Variants in APPL2 observed in about 807,000 individuals in gnomAD.
APPL2 encodes the protein adaptor protein, phosphotyrosine interacting with PH domain and leucine zipper 2.
APPL2 carries 84 observed loss-of-function variants against 92.7 expected under a neutral mutation model. The ratio of observed to expected loss-of-function variants is 0.91; its 90% CI spans 0.76 to 1.09. APPL2 has a LOEUF of 1.09. APPL2 is among the 50% of genes least tolerant of loss of function. The pLI is 0.00. For synonymous variants in APPL2, 291 were observed against 291.0 expected (o/e 1.00, Z 0.00); for missense variants, 736 against 824.5 (o/e 0.89, Z 1.31).
chr12:105,223,117 C>T (rs74553697), intron 2 of APPL2, among the ~76,000 whole-genome samples: 1 of 152,114 alleles, frequency 6.6e-6, no homozygotes, highest in South Asian at 2.1e-4. Context: ...CAGAGAGCCA[C>T]GGAGGCGTCT....
At chr12:105,230,354 G>A (rs145334042) in intron 1 of APPL2, among the ~76,000 whole-genome samples, 3 of 152,220 alleles carry the variant, frequency 2.0e-5, no homozygotes, top group African/African-American at 4.8e-5. Flanking sequence ...GATGGTGTAC[G>A]AACAAGAATT....
intron 17 of APPL2, among the ~76,000 whole-genome samples, chr12:105,178,658 T>C (rs1020267735): frequency 1.3e-5 from 2 of 152,216 alleles, no homozygotes; most frequent in Non-Finnish European, 2.9e-5. Context: ...GCTACTCACC[T>C]GATCTTGTGC....
At chr12:105,181,305 G>A (rs565126533) in intron 17 of APPL2, among the ~76,000 whole-genome samples, 61 of 152,322 alleles carry the variant, frequency 4.0e-4, no homozygotes, top group East Asian at 1.5e-3. Context: ...TCCCAGGGAT[G>A]AAGCCAACTT....
At chr12:105,199,642 G>T in intron 9 of APPL2, 111 bp from the exon 10 acceptor site, 1 of 1,189,440 alleles carries the variant, frequency 8.4e-7, no homozygotes, top group Non-Finnish European at 1.2e-6. Context: ...CCTTACAGAT[G>T]GAGCTGCCAG....
Position 105,208,186 on chromosome 12 carries a change from T to C in APPL2, c.387A>G (p.Leu129=), listed in dbSNP as rs1056181554. The C allele has an allele frequency of 6.2e-7, 1 of 1,614,216 alleles. No homozygotes were observed. Among genetic ancestry groups the C allele is most frequent in the East Asian group, 2.2e-5 (1 of 44,892 alleles). ...REKDLTEVST[L]KDLFGLASNE... ...TGCTAGCGAGTCCAAATAGATCCTT[T>C]AAAGTGCTTACTTCTGAAAAGGAGA... Residue 129 remains leucine, a synonymous_variant, in exon 6 of 21, where the codon TTA becomes TTG. Transcript: ENST00000258530.
At chr12:105,218,880 AT>A (rs1889895240) in intron 2 of APPL2, among the ~76,000 whole-genome samples, 1 of 152,126 alleles carries the variant, frequency 6.6e-6, no homozygotes. Flanking sequence ...GTTTTGTGCC[AT>A]TTTCACCAGC....
In APPL2 at chr12:105,207,227, A is replaced by G. The variant is rs1183988439; in HGVS notation, c.475-20T>C. The stretch of plus-strand genomic sequence containing the variant: ...CTTCACCTGGTTAAAAGGTGAAAGG[A>G]AAACTTCAAGTTGTCTACTGTACGT... On this transcript the variant is annotated intron_variant, in intron 7 of 20. Coordinates refer to ENST00000258530, the MANE Select transcript of APPL2 (RefSeq NM_018171.5). 6.2e-7 allele frequency: 1 copy of G among 1,606,540 alleles called. No homozygotes were observed.
intron 11 of APPL2, among the ~76,000 whole-genome samples, chr12:105,196,363 C>T (rs897700379): frequency 6.7e-6 from 1 of 149,638 alleles, no homozygotes; most frequent in East Asian, 2.0e-4. Context: ...AAGTCTGCTG[C>T]GTATGGAGGC....
chr12:105,185,376 G>A (rs1228843900), intron 17 of APPL2, among the ~76,000 whole-genome samples: 1 of 152,186 alleles, frequency 6.6e-6, no homozygotes, highest in African/African-American at 2.4e-5. Flanking sequence ...GAAACTTAGG[G>A]CCCTGGTGGT....
intron 4 of APPL2, among the ~76,000 whole-genome samples, chr12:105,215,315 C>T (rs1889592554): frequency 6.6e-6 from 1 of 152,160 alleles, no homozygotes. Context: ...AATTGTAGGA[C>T]AGCCAGTTAG....
In APPL2 at chr12:105,220,148, G is replaced by C. The variant is rs1032912121; in HGVS notation, c.154-2423C>G. 9.2e-5 allele frequency among the ~76,000 whole-genome samples: 14 copies of C among 152,312 alleles called. 2 individuals carry two copies. The highest frequency in any genetic ancestry group is 1.3e-4 in the Admixed American group (2 of 15,308). The stretch of plus-strand genomic sequence containing the variant: ...CTGGGATGTGAACCTGGAGCTGTCC[G>C]ATTCTAAAATCCACACTCCTAAATG... On this transcript the variant is annotated intron_variant, in intron 2 of 20. Transcript: ENST00000258530.
intron 4 of APPL2, among the ~76,000 whole-genome samples, chr12:105,214,629 C>G (rs532595394): frequency 4.0e-4 from 61 of 152,360 alleles, no homozygotes; most frequent in African/African-American, 1.3e-3. Flanking sequence ...ATTTCCTCAT[C>G]AATAGAAGTG....
chr12:105,233,569 A>T (rs770153216), intron 1 of APPL2: 1 of 187,128 alleles, frequency 5.3e-6, no homozygotes, highest in African/African-American at 2.4e-5. Flanking sequence ...CAACTCTCAA[A>T]ATTACTCTTC....
intron 4 of APPL2, among the ~76,000 whole-genome samples, chr12:105,214,250 AATC>A (rs1470116796): frequency 2.6e-5 from 4 of 152,234 alleles, no homozygotes; most frequent in African/African-American, 9.6e-5. Context: ...CTACTAAAAC[AATC>A]ATCATTCCTG....
chr12:105,188,521 G>T, intron 16 of APPL2, 74 bp from the exon 17 acceptor site: 23 of 1,526,718 alleles, frequency 1.5e-5, no homozygotes, highest in Non-Finnish European at 2.1e-5. Flanking sequence ...AGGGTCAGAT[G>T]TGCTAGTTTT....
At chr12:105,200,427 T>G (rs774638870) in intron 9 of APPL2, among the ~76,000 whole-genome samples, 1 of 152,244 alleles carries the variant, frequency 6.6e-6, no homozygotes, top group Admixed American at 6.5e-5. Context: ...TGAGGCTTCA[T>G]AGGCTAGCAG....
At chr12:105,228,350 A>G (rs1890678741) in intron 2 of APPL2, among the ~76,000 whole-genome samples, 1 of 152,144 alleles carries the variant, frequency 6.6e-6, no homozygotes, top group Admixed American at 6.5e-5. Flanking sequence ...TCAAAAAGTT[A>G]CAGATTTTGG....
chr12:105,177,469 T>C (rs1392139292), intron 17 of APPL2: 2 of 585,292 alleles, frequency 3.4e-6, no homozygotes, highest in East Asian at 2.8e-5. Flanking sequence ...GTACCTATAA[T>C]GGAAGATTAT....
chr12:105,235,236 CTAA>C (rs1227630328), intron 1 of APPL2: 1 of 152,192 alleles, frequency 6.6e-6, no homozygotes, highest in Non-Finnish European at 1.5e-5. Flanking sequence ...GAATTATGAA[CTAA>C]TGTCATCCTG....
Sources: gnomAD v4.1 joint callset for allele counts (sites outside exome capture counted in the v4.1 genomes callset) on GRCh38, gnomAD v4.1.1 for gene constraint, MANE v1.5 for transcripts, NCBI Gene and HGNC (gene_info 2026-07-23, HGNC 2026-07-21) for gene names.